TANC2: variants seen among roughly 807,000 people sequenced by gnomAD.
The protein encoded by TANC2 is protein TANC2.
A neutral mutation model predicts 210.5 loss-of-function variants in TANC2; 26 were observed. That is an observed-to-expected ratio of 0.12 (90% CI 0.09 to 0.17). The LOEUF (loss-of-function observed/expected upper bound fraction) is 0.17, where lower values mean the gene tolerates loss of function less well. Ranked by LOEUF, TANC2 falls within the 10% of genes least tolerant of loss-of-function variation. The pLI, the probability that TANC2 is intolerant of heterozygous loss-of-function variation, is 1.00. For missense variants in TANC2, 2,129 were observed against 2,608.9 expected, an observed-to-expected ratio of 0.82 and a Z score of 4.01; for synonymous variants, 931 against 967.1, an observed-to-expected ratio of 0.96 and a Z score of 0.69.
At chr17:63,071,223 G>C (rs576251750) in intron 2 of TANC2, among the ~76,000 whole-genome samples, 1 of 152,098 alleles carries the variant, frequency 6.6e-6, no homozygotes, top group Non-Finnish European at 1.5e-5. Context: ...ATGCATGATA[G>C]GGACTTTAGT....
intron 8 of TANC2, among the ~76,000 whole-genome samples, chr17:63,241,454 G>A (rs1487223468): frequency 6.6e-6 from 1 of 152,074 alleles, no homozygotes; most frequent in African/African-American, 2.4e-5. Context: ...AGCAAACCAG[G>A]GCCCATGGGC....
chr17:63,284,215 A>G (rs886576337), intron 9 of TANC2, among the ~76,000 whole-genome samples: 6 of 151,826 alleles, frequency 4.0e-5, no homozygotes, highest in Admixed American at 6.6e-5. Context: ...TAGAAGTTAT[A>G]TTTTTCTTTT....
chr17:63,077,180 G>A (rs1434869171), intron 3 of TANC2, among the ~76,000 whole-genome samples: 1 of 152,142 alleles, frequency 6.6e-6, no homozygotes, highest in African/African-American at 2.4e-5. Context: ...GCACTTCTCA[G>A]TCGTAGCATT....
chr17:63,033,375 C>T (rs2034849842), intron 2 of TANC2, among the ~76,000 whole-genome samples: 1 of 152,108 alleles, frequency 6.6e-6, no homozygotes, highest in Non-Finnish European at 1.5e-5. Context: ...GGCTTTCAGC[C>T]ACCAGTAATC....
intron 14 of TANC2, among the ~76,000 whole-genome samples, chr17:63,361,130 T>C (rs1176401125): frequency 6.6e-6 from 1 of 152,246 alleles, no homozygotes; most frequent in Non-Finnish European, 1.5e-5. Flanking sequence ...CTCTTCAATA[T>C]ACTGATTTCC....
chr17:63,306,270 T>A (rs1406648071), intron 9 of TANC2, among the ~76,000 whole-genome samples: 1 of 152,236 alleles, frequency 6.6e-6, no homozygotes, highest in Non-Finnish European at 1.5e-5. Flanking sequence ...GATTGCTTGG[T>A]TAAGTTTACT....
At chr17:63,365,978 A>G (rs1272593422) in intron 14 of TANC2, among the ~76,000 whole-genome samples, 1 of 152,152 alleles carries the variant, frequency 6.6e-6, no homozygotes, top group Non-Finnish European at 1.5e-5. Context: ...CTCGATGAGG[A>G]CAAGAACCTT....
At chr17:63,174,568 C>CA (rs2040513230) in intron 5 of TANC2, among the ~76,000 whole-genome samples, 2 of 152,112 alleles carry the variant, frequency 1.3e-5, no homozygotes, top group South Asian at 4.1e-4. Flanking sequence ...TTATTTCTAC[C>CA]AAATTTGGTG....
At chr17:62,993,397 T>G (rs2032962740) in intron 1 of TANC2, among the ~76,000 whole-genome samples, 1 of 152,224 alleles carries the variant, frequency 6.6e-6, no homozygotes, top group Non-Finnish European at 1.5e-5. Flanking sequence ...TTTTGTTGAA[T>G]CTACAGATCA....
At chr17:63,256,800 G>C (rs759391145) in intron 8 of TANC2, among the ~76,000 whole-genome samples, 1 of 152,094 alleles carries the variant, frequency 6.6e-6, no homozygotes, top group African/African-American at 2.4e-5. Flanking sequence ...CCAGTGTTGG[G>C]TGCATATATA....
intron 17 of TANC2, chr17:63,389,746 T>G: frequency 1.7e-6 from 1 of 594,900 alleles, no homozygotes; most frequent in Non-Finnish European, 3.0e-6. Context: ...TCTAAACCCT[T>G]TGAGAGGTGC....
In TANC2 at chr17:63,138,599, CTG is replaced by C. The variant is rs539742092; in HGVS notation, c.323-12670_323-12669del. 6.3e-4 allele frequency among the ~76,000 whole-genome samples: 96 copies of C among 152,254 alleles called. 1 individual carries two copies. Among genetic ancestry groups the C allele is most frequent in the Admixed American group, 2.7e-3 (41 of 15,292 alleles). ...TCAATCTGTATTCTTCTTCTATCCTCTGAAATGAAATACGTCTCTTCACCATC... is the reference window on the plus strand; with the variant it reads ...TCAATCTGTATTCTTCTTCTATCCTCAAATGAAATACGTCTCTTCACCATC... On this transcript the variant is annotated intron_variant, in intron 4 of 27. Coordinates refer to ENST00000689528, the Ensembl canonical transcript of TANC2.
intron 21 of TANC2, among the ~76,000 whole-genome samples, chr17:63,409,116 AG>A (rs767885427): frequency 3.9e-5 from 6 of 152,190 alleles, no homozygotes; most frequent in Admixed American, 6.5e-5. Context: ...TTATTGAATA[AG>A]GCTGAGTAGT....
At chr17:63,204,936 G>A (rs576839751) in intron 7 of TANC2, among the ~76,000 whole-genome samples, 2 of 151,652 alleles carry the variant, frequency 1.3e-5, no homozygotes, top group African/African-American at 4.8e-5. Flanking sequence ...AATACAAAAA[G>A]TAGCCAGGCG....
At chr17:63,050,682 A>G (rs1404085910) in intron 2 of TANC2, among the ~76,000 whole-genome samples, 1 of 152,236 alleles carries the variant, frequency 6.6e-6, no homozygotes, top group East Asian at 1.9e-4. Context: ...GAAGACTTCA[A>G]GAAAGAAACA....
chr17:63,402,450 G>A (rs1330170493), intron 19 of TANC2, among the ~76,000 whole-genome samples: 3 of 152,148 alleles, frequency 2.0e-5, no homozygotes, highest in Admixed American at 2.0e-4. Context: ...ATTTTGAATA[G>A]CAGTGATCAG....
chr17:63,306,254 G>A, intron 9 of TANC2, among the ~76,000 whole-genome samples: 1 of 152,212 alleles, frequency 6.6e-6, no homozygotes, highest in South Asian at 2.1e-4. Context: ...CTTGAAGACA[G>A]ACTGGGATTG....
intron 4 of TANC2, among the ~76,000 whole-genome samples, chr17:63,127,157 ATTC>A (rs1239147823): frequency 3.3e-5 from 5 of 152,294 alleles, no homozygotes; most frequent in South Asian, 2.1e-4. Flanking sequence ...TCAATAAGGA[ATTC>A]TTCTTATGGT....
intron 10 of TANC2, among the ~76,000 whole-genome samples, chr17:63,316,983 A>C (rs1291670733): frequency 6.6e-6 from 1 of 151,584 alleles, no homozygotes; most frequent in Non-Finnish European, 1.5e-5. Context: ...ACTTAATATA[A>C]GTTATTATAT....
Sources: allele counts gnomAD v4.1 joint callset (sites outside exome capture counted in the v4.1 genomes callset), GRCh38; gene constraint gnomAD v4.1.1; transcripts MANE v1.5; gene names NCBI Gene and HGNC (gene_info 2026-07-23, HGNC 2026-07-21).